The following SOX6 variants were observed in gnomAD, a reference collection of about 807,000 sequenced individuals.
The protein encoded by SOX6 is SRY-box transcription factor 6.
A neutral mutation model predicts 97.8 loss-of-function variants in SOX6; 11 were observed. The ratio of observed to expected loss-of-function variants is 0.11; its 90% CI spans 0.07 to 0.19. SOX6 has a LOEUF of 0.19. Ranked by LOEUF, SOX6 falls within the 10% of genes least tolerant of loss-of-function variation. The probability of loss-of-function intolerance (pLI) is 1.00; values close to 1 mark genes in which losing one functional copy is unlikely to be tolerated. For synonymous variants in SOX6, 360 were observed against 371.4 expected (o/e 0.97, Z 0.35); for missense variants, 810 against 1,039.5 (o/e 0.78, Z 3.04).
chr11:16,033,502 T>C (rs1301951609), intron 12 of SOX6, among the ~76,000 whole-genome samples: 9 of 152,186 alleles, frequency 5.9e-5, no homozygotes, highest in Admixed American at 5.9e-4. Context: ...AATCATTTCA[T>C]GGCAATCAAA....
At chr11:16,245,413 T>C (rs1159126133) in intron 3 of SOX6, among the ~76,000 whole-genome samples, 6 of 151,698 alleles carry the variant, frequency 4.0e-5, no homozygotes, top group Non-Finnish European at 4.4e-5. Context: ...TGTTTTTTAG[T>C]GTAGTGTTCT....
chr11:16,667,284 A>G (rs1847814467), intron 3 of SOX6, among the ~76,000 whole-genome samples: 1 of 152,132 alleles, frequency 6.6e-6, no homozygotes, highest in Non-Finnish European at 1.5e-5. Flanking sequence ...AAATTCTCAA[A>G]CCTAGAAAAA....
chr11:15,984,521 A>G (rs1203433066), intron 15 of SOX6, among the ~76,000 whole-genome samples: 1 of 152,242 alleles, frequency 6.6e-6, no homozygotes, highest in Non-Finnish European at 1.5e-5. Flanking sequence ...GAGAATGTTT[A>G]TCACATAATC....
intron 13 of SOX6, among the ~76,000 whole-genome samples, chr11:16,006,211 G>T (rs537622234): frequency 6.6e-6 from 1 of 152,066 alleles, no homozygotes; most frequent in Middle Eastern, 3.4e-3. Context: ...AGAGAGCAGA[G>T]GAATAAAGTG....
chr11:16,172,737 C>T, intron 6 of SOX6, among the ~76,000 whole-genome samples: 1 of 151,962 alleles, frequency 6.6e-6, no homozygotes. Context: ...GAACAATAAT[C>T]CTTCTTCAAA....
chr11:16,539,887 G>A (rs1429510291), intron 4 of SOX6, among the ~76,000 whole-genome samples: 2 of 152,068 alleles, frequency 1.3e-5, no homozygotes, highest in African/African-American at 4.8e-5. Flanking sequence ...TTCTACCAGA[G>A]GTACAAAGAG....
At chr11:16,604,581 G>T (rs1308234425) in intron 4 of SOX6, among the ~76,000 whole-genome samples, 1 of 152,156 alleles carries the variant, frequency 6.6e-6, no homozygotes, top group African/African-American at 2.4e-5. Flanking sequence ...ACAGTACAGC[G>T]GGAGGTCCGG....
chr11:16,119,171 G>C (rs533653791), intron 6 of SOX6, among the ~76,000 whole-genome samples: 1 of 152,172 alleles, frequency 6.6e-6, no homozygotes, highest in Admixed American at 6.5e-5. Flanking sequence ...AAGAAATGAA[G>C]TCCCCAGAAA....
chr11:16,543,870 T>TA (rs771401509), intron 4 of SOX6, among the ~76,000 whole-genome samples: 6 of 152,180 alleles, frequency 3.9e-5, no homozygotes, highest in Non-Finnish European at 5.9e-5. Flanking sequence ...GACCCAGCAA[T>TA]TATGCTGCTA....
chr11:16,551,253 G>A (rs1278469486), intron 4 of SOX6, among the ~76,000 whole-genome samples: 1 of 152,164 alleles, frequency 6.6e-6, no homozygotes, highest in Non-Finnish European at 1.5e-5. Context: ...CAAGAGCTGA[G>A]GTGGGAGGAT....
At chr11:16,474,651 G>A (rs1253411834) in intron 1 of SOX6, among the ~76,000 whole-genome samples, 3 of 152,076 alleles carry the variant, frequency 2.0e-5, no homozygotes. Context: ...ATAAACAAGT[G>A]TGCTGTCACT....
intron 3 of SOX6, among the ~76,000 whole-genome samples, chr11:16,687,528 C>CCTCCCAAAGTG (rs1209807442): frequency 1.3e-5 from 2 of 152,200 alleles, no homozygotes; most frequent in Non-Finnish European, 2.9e-5. Flanking sequence ...GATCCACCTG[C>CCTCCCAAAGTG]CTCCCAAAGT....
rs550426239 is a variant in SOX6 at position 16,240,539 on chromosome 11, T to C, written c.446-5868A>G. On this transcript the variant is annotated intron_variant, in intron 3 of 15. Coordinates refer to ENST00000683767, the MANE Select transcript of SOX6 (RefSeq NM_001367873.1). ...AAAACCAGTACTTAACATACGTCAA[T>C]GAAAGTCACATTGTTCTATAGGTGC... Among the ~76,000 whole-genome samples the C allele has an allele frequency of 7.6e-4, 116 of 152,160 alleles. 1 individual carries two copies. Among genetic ancestry groups the C allele is most frequent in the Middle Eastern group, 3.4e-3 (1 of 294 alleles).
intron 4 of SOX6, among the ~76,000 whole-genome samples, chr11:16,226,065 A>T (rs1250142800): frequency 2.0e-5 from 3 of 152,176 alleles, no homozygotes; most frequent in Non-Finnish European, 4.4e-5. Flanking sequence ...GAGTAACTGT[A>T]ATAAGTAACA....
intron 3 of SOX6, among the ~76,000 whole-genome samples, chr11:16,309,146 T>C (rs1008589537): frequency 3.3e-5 from 5 of 152,208 alleles, no homozygotes; most frequent in African/African-American, 4.8e-5. Flanking sequence ...AATGTGTCAA[T>C]ATCAATTCCA....
At chr11:16,253,573 T>G (rs1378819217) in intron 3 of SOX6, among the ~76,000 whole-genome samples, 2 of 151,990 alleles carry the variant, frequency 1.3e-5, no homozygotes, top group Non-Finnish European at 2.9e-5. Context: ...AAAAATGCTG[T>G]CACAAAAATG....
intron 6 of SOX6, among the ~76,000 whole-genome samples, chr11:16,172,953 C>T (rs906372676): frequency 6.6e-6 from 1 of 151,894 alleles, no homozygotes; most frequent in Non-Finnish European, 1.5e-5. Flanking sequence ...AGAAGAACAA[C>T]TTCTGCTGAG....
In SOX6 at chr11:16,341,266, A is replaced by C. The variant is rs1289732719; in HGVS notation, c.-4-14T>G. ...GAAGACATTCTTCTGCAGAAAAAAA[A>C]CAGAACGGATTAAAAATGGCTGTCA... On this transcript the variant is annotated splice_polypyrimidine_tract_variant and intron_variant, in intron 1 of 15. Transcript: ENST00000683767. 3.1e-6 allele frequency: 5 copies of C among 1,612,170 alleles called. No homozygotes were observed. In the African/African-American group the frequency reaches 5.3e-5, roughly 17 times the overall value.
intron 12 of SOX6, among the ~76,000 whole-genome samples, chr11:16,036,452 A>G (rs1855522366): frequency 6.6e-6 from 1 of 152,174 alleles, no homozygotes; most frequent in Non-Finnish European, 1.5e-5. Context: ...TGTTGAATAT[A>G]TGAATTTTTA....
Sources: gnomAD v4.1 joint callset for allele counts (sites outside exome capture counted in the v4.1 genomes callset) on GRCh38, gnomAD v4.1.1 for gene constraint, MANE v1.5 for transcripts, NCBI Gene and HGNC (gene_info 2026-07-23, HGNC 2026-07-21) for gene names.